KCNH5: variants seen among roughly 807,000 people sequenced by gnomAD.
The protein encoded by KCNH5 is voltage-gated delayed rectifier potassium channel KCNH5.
A neutral mutation model predicts 96.1 loss-of-function variants in KCNH5; 46 were observed. The observed-to-expected ratio is 0.48, with a 90% CI of 0.38 to 0.61. The LOEUF is 0.61. KCNH5 is among the 20% of genes least tolerant of loss of function. KCNH5 has a pLI of 0.00. For missense variants in KCNH5, 907 were observed against 1,225.8 expected, an observed-to-expected ratio of 0.74 and a Z score of 3.88; for synonymous variants, 439 against 449.8, an observed-to-expected ratio of 0.98 and a Z score of 0.30.
intron 10 of KCNH5, among the ~76,000 whole-genome samples, chr14:62,713,889 C>G (rs974614245): frequency 6.6e-6 from 1 of 152,154 alleles, no homozygotes; most frequent in Non-Finnish European, 1.5e-5. Context: ...TTGAGTGACA[C>G]TGAATATTTA....
rs764141585 is a variant in KCNH5 at position 63,045,261 on chromosome 14, G to A, written c.-75C>T. On this transcript the variant is annotated 5_prime_UTR_variant, in exon 1 of 11. Transcript: ENST00000322893. ...TGCAGGCAAAGAAGGTGGAGGAAGAGGAGGAAAAGGTGGAAGAGAAGATTG... is the reference window on the plus strand; with the variant it reads ...TGCAGGCAAAGAAGGTGGAGGAAGAAGAGGAAAAGGTGGAAGAGAAGATTG... 233 of 1,168,702 alleles carry A rather than the reference G, an allele frequency of 2.0e-4. No individual in the cohort carries two copies. The highest frequency in any genetic ancestry group is 6.7e-4 in the South Asian group (55 of 81,828). 72.4% of individuals were successfully genotyped at this position (1,168,702 alleles called of 1,614,324 possible). A position where few individuals can be genotyped will look rare whatever the true frequency, so the allele number is the denominator to read the frequency against.
At chr14:62,963,430 T>C (rs1371318799) in intron 6 of KCNH5, among the ~76,000 whole-genome samples, 1 of 151,860 alleles carries the variant, frequency 6.6e-6, no homozygotes, top group Non-Finnish European at 1.5e-5. Context: ...CTCAAATGAT[T>C]ATGGAGGCAG....
chr14:62,858,820 A>G (rs1887979240), intron 7 of KCNH5, among the ~76,000 whole-genome samples: 1 of 152,186 alleles, frequency 6.6e-6, no homozygotes, highest in Non-Finnish European at 1.5e-5. Flanking sequence ...GGCCTTCTGG[A>G]GAACTCTGGC....
intron 4 of KCNH5, among the ~76,000 whole-genome samples, chr14:62,996,781 G>C (rs529948178): frequency 6.6e-6 from 1 of 152,292 alleles, no homozygotes; most frequent in African/African-American, 2.4e-5. Flanking sequence ...TGCTGCGAAA[G>C]TACTGTACTT....
At chr14:63,026,382 A>C (rs1891524808) in intron 1 of KCNH5, among the ~76,000 whole-genome samples, 1 of 152,056 alleles carries the variant, frequency 6.6e-6, no homozygotes, top group African/African-American at 2.4e-5. Context: ...ATCAAACTAA[A>C]AAGCTGTACA....
At chr14:62,894,103 T>G (rs1376208073) in intron 7 of KCNH5, among the ~76,000 whole-genome samples, 1 of 152,204 alleles carries the variant, frequency 6.6e-6, no homozygotes, top group Non-Finnish European at 1.5e-5. Flanking sequence ...TTAGACATAA[T>G]AGTATTCCAT....
rs1257181115 is a variant in KCNH5, at chr14:63,045,395, T to C, written c.-209A>G. ...AGGAGGACCAGGCAGTTCATGGTAG[T>C]AGCGCTCCCCCGGCCGCCGCTGCCC... is the stretch of plus-strand genomic sequence containing the variant. On this transcript the variant is annotated 5_prime_UTR_variant, in exon 1 of 11. Coordinates refer to ENST00000322893, the MANE Select transcript of KCNH5 (RefSeq NM_139318.5). 6 of 577,418 alleles carry C rather than the reference T, an allele frequency of 1.0e-5. No homozygotes were observed. The highest frequency in any genetic ancestry group is 8.5e-5 in the East Asian group (3 of 35,164). The allele number at this position is 577,418 out of a possible 1,614,324, so 35.8% of individuals were successfully genotyped here.
intron 7 of KCNH5, among the ~76,000 whole-genome samples, chr14:62,895,810 T>C (rs1888799519): frequency 6.6e-6 from 1 of 152,170 alleles, no homozygotes; most frequent in Admixed American, 6.5e-5. Flanking sequence ...AGACATATTT[T>C]GTAAAGGTTC....
rs372336424 is a variant in KCNH5, at chr14:62,736,767, G to A, written c.2020-28312C>T. On this transcript the variant is annotated intron_variant, in intron 10 of 10. Transcript: ENST00000322893. ...CCTGACCAAAATTGGCCAGAAGTCC[G>A]TCTCAGGTTTTATCTAAAGTAAACC... is the stretch of plus-strand genomic sequence containing the variant. Among the ~76,000 whole-genome samples the A allele has an allele frequency of 3.8e-4, 58 of 152,250 alleles. 1 individual carries two copies. In the East Asian group the frequency reaches 7.7e-3, roughly 20 times the overall value.
intron 6 of KCNH5, among the ~76,000 whole-genome samples, chr14:62,957,914 T>C (rs919498238): frequency 1.3e-5 from 2 of 152,184 alleles, no homozygotes; most frequent in African/African-American, 4.8e-5. Context: ...TGCAGACTCA[T>C]GAGTTGAATA....
chr14:62,718,918 T>C (rs1409138706), intron 10 of KCNH5, among the ~76,000 whole-genome samples: 1 of 152,118 alleles, frequency 6.6e-6, no homozygotes, highest in Non-Finnish European at 1.5e-5. Flanking sequence ...TAGAGAAACC[T>C]GGAAAACATC....
intron 8 of KCNH5, among the ~76,000 whole-genome samples, chr14:62,843,177 T>A (rs1057051792): frequency 2.0e-5 from 3 of 152,160 alleles, no homozygotes; most frequent in African/African-American, 7.2e-5. Context: ...TCCAAGAACT[T>A]TGTGCCATCA....
At chr14:63,040,640 G>A (rs1308595244) in intron 1 of KCNH5, among the ~76,000 whole-genome samples, 3 of 151,990 alleles carry the variant, frequency 2.0e-5, no homozygotes, top group African/African-American at 7.2e-5. Context: ...ATGTCCATTT[G>A]TTTTCCATTA....
chr14:62,943,525 T>C (rs1169605068), intron 7 of KCNH5, among the ~76,000 whole-genome samples: 1 of 152,168 alleles, frequency 6.6e-6, no homozygotes, highest in East Asian at 1.9e-4. Context: ...TCATTAAGTA[T>C]TTACCAAGCA....
chr14:62,914,977 T>C (rs573275095), intron 7 of KCNH5, among the ~76,000 whole-genome samples: 1 of 152,362 alleles, frequency 6.6e-6, no homozygotes, highest in Admixed American at 6.5e-5. Flanking sequence ...GGCTTTGTTT[T>C]AGTCACCTTG....
intron 7 of KCNH5, among the ~76,000 whole-genome samples, chr14:62,868,027 C>T (rs1888169237): frequency 6.6e-6 from 1 of 152,212 alleles, no homozygotes; most frequent in South Asian, 2.1e-4. Flanking sequence ...ATGTAAACTC[C>T]TTGAGATCCG....
intron 10 of KCNH5, among the ~76,000 whole-genome samples, chr14:62,759,147 T>C (rs540507173): frequency 6.6e-6 from 1 of 152,316 alleles, no homozygotes; most frequent in Non-Finnish European, 1.5e-5. Context: ...CTATGTTTTG[T>C]CTTTATTATA....
intron 7 of KCNH5, among the ~76,000 whole-genome samples, chr14:62,878,781 G>A (rs992977017): frequency 6.6e-6 from 1 of 152,056 alleles, no homozygotes; most frequent in Non-Finnish European, 1.5e-5. Context: ...TGTCAGCAGG[G>A]TTGGTTTCTT....
chr14:62,718,568 C>T (rs1434699261), intron 10 of KCNH5, among the ~76,000 whole-genome samples: 2 of 152,052 alleles, frequency 1.3e-5, no homozygotes, highest in Admixed American at 1.3e-4. Context: ...TAACAAGTGT[C>T]GGAAGGATGT....
Sources: allele counts gnomAD v4.1 joint callset (sites outside exome capture counted in the v4.1 genomes callset), GRCh38; gene constraint gnomAD v4.1.1; transcripts MANE v1.5; gene names NCBI Gene and HGNC (gene_info 2026-07-23, HGNC 2026-07-21).